The following ANO4 variants were observed in gnomAD, a reference collection of about 807,000 sequenced individuals.
The protein encoded by ANO4 is anoctamin-4.
ANO4 carries 69 observed loss-of-function variants against 141.9 expected under a neutral mutation model. That is an observed-to-expected ratio of 0.49 (90% CI 0.40 to 0.59). ANO4 has a LOEUF of 0.59. Ranked by LOEUF, ANO4 falls within the 20% of genes least tolerant of loss-of-function variation. The pLI is 0.00. For missense variants in ANO4, 894 were observed against 1,162.2 expected (o/e 0.77, Z 3.36); for synonymous variants, 350 against 394.3 (o/e 0.89, Z 1.33).
At chr12:100,774,572 ATAGAG>A (rs1303161936) in intron 3 of ANO4, among the ~76,000 whole-genome samples, 1 of 152,258 alleles carries the variant, frequency 6.6e-6, no homozygotes, top group Non-Finnish European at 1.5e-5. Context: ...CTAGAAGGAA[ATAGAG>A]TAGAGCACAC....
chr12:100,885,249 G>T (rs1172822935), intron 1 of ANO4, among the ~76,000 whole-genome samples: 3 of 152,196 alleles, frequency 2.0e-5, no homozygotes, highest in Non-Finnish European at 4.4e-5. Flanking sequence ...CAGAGATGAA[G>T]AGTTGGGCAT....
chr12:101,029,959 G>A (rs370837367), intron 9 of ANO4, among the ~76,000 whole-genome samples: 3 of 136,980 alleles, frequency 2.2e-5, no homozygotes, highest in African/African-American at 5.5e-5. Flanking sequence ...ACCCAATACA[G>A]AAGCACCCAG....
intron 8 of ANO4, among the ~76,000 whole-genome samples, chr12:100,989,323 C>T (rs1042644413): frequency 1.3e-5 from 2 of 152,212 alleles, no homozygotes; most frequent in African/African-American, 2.4e-5. Flanking sequence ...AAAGCTGATA[C>T]GTTCCCATTC....
At chr12:100,768,562 T>G (rs1183464916) in intron 3 of ANO4, among the ~76,000 whole-genome samples, 2 of 152,242 alleles carry the variant, frequency 1.3e-5, no homozygotes, top group Non-Finnish European at 2.9e-5. Context: ...TTATTTGGTT[T>G]CTGAGTGCCT....
chr12:100,964,423 G>C (rs1005524657), intron 5 of ANO4, among the ~76,000 whole-genome samples: 3 of 152,128 alleles, frequency 2.0e-5, no homozygotes, highest in Admixed American at 2.0e-4. Flanking sequence ...GCACTATGTA[G>C]CTGGTCCCGT....
At chr12:100,738,192 C>A (rs893910446) in intron 2 of ANO4, among the ~76,000 whole-genome samples, 1 of 152,118 alleles carries the variant, frequency 6.6e-6, no homozygotes, top group Non-Finnish European at 1.5e-5. Flanking sequence ...CCTATTCCTG[C>A]CTCCCTCCCC....
chr12:100,966,130 A>T (rs1363870204), intron 5 of ANO4, among the ~76,000 whole-genome samples: 1 of 152,132 alleles, frequency 6.6e-6, no homozygotes, highest in African/African-American at 2.4e-5. Context: ...ATCCTTCCAA[A>T]ATACTGGTTT....
intron 3 of ANO4, among the ~76,000 whole-genome samples, chr12:100,783,363 C>T (rs2033766358): frequency 6.6e-6 from 1 of 152,138 alleles, no homozygotes; most frequent in African/African-American, 2.4e-5. Context: ...CCTTCTTTTT[C>T]ATTCCTACCA....
chr12:100,819,682 G>T (rs769987821), intron 1 of ANO4, among the ~76,000 whole-genome samples: 2 of 151,892 alleles, frequency 1.3e-5, no homozygotes, highest in Non-Finnish European at 1.5e-5. Flanking sequence ...AAGAACCTGA[G>T]AACAGGTTTC....
chr12:100,922,653 CAAAG>C (rs1344655735), intron 3 of ANO4, among the ~76,000 whole-genome samples: 2 of 151,594 alleles, frequency 1.3e-5, no homozygotes, highest in Non-Finnish European at 2.9e-5. Context: ...TAATCATAAT[CAAAG>C]AAAAACCTTT....
At chr12:100,829,967 C>G (rs188730147) in intron 1 of ANO4, among the ~76,000 whole-genome samples, 1 of 152,032 alleles carries the variant, frequency 6.6e-6, no homozygotes, top group African/African-American at 2.4e-5. Context: ...GACAGAATTG[C>G]ATTGAAATCG....
chr12:100,737,159 A>G (rs1248556068), intron 2 of ANO4, among the ~76,000 whole-genome samples: 1 of 152,174 alleles, frequency 6.6e-6, no homozygotes, highest in African/African-American at 2.4e-5. Context: ...ATTATTTCAC[A>G]TAACAGGGAC....
chr12:100,953,411 A>G (rs1405437511), intron 5 of ANO4, among the ~76,000 whole-genome samples: 2 of 152,178 alleles, frequency 1.3e-5, no homozygotes, highest in Non-Finnish European at 2.9e-5. Flanking sequence ...TATTAATTGA[A>G]CTTGACATAC....
At chr12:101,104,474 G>A (rs1010956072) in intron 22 of ANO4, among the ~76,000 whole-genome samples, 1 of 150,652 alleles carries the variant, frequency 6.6e-6, no homozygotes, top group African/African-American at 2.4e-5. Flanking sequence ...TTGAAGGAAT[G>A]CATTAGTATC....
rs141538347 is a variant in ANO4 at position 101,109,395 on chromosome 12, T to C, written c.2150-1009T>C. 6.0e-3 allele frequency among the ~76,000 whole-genome samples: 909 copies of C among 152,208 alleles called. 14 individuals carry two copies. The highest frequency in any genetic ancestry group is 0.021 in the African/African-American group (862 of 41,502). ...GGTCAACACAGTGAAACTCTGTCTC[T>C]ACTAAAAATACAAACATTAGCTGGT... On this transcript the variant is annotated intron_variant, in intron 22 of 27. Transcript: ENST00000392977.
intron 24 of ANO4, among the ~76,000 whole-genome samples, chr12:101,114,323 C>T (rs990613798): frequency 3.9e-5 from 6 of 152,140 alleles, no homozygotes; most frequent in African/African-American, 9.7e-5. Flanking sequence ...ATTAGTGAAA[C>T]GTCTAGCTGT....
At chr12:100,754,940 G>C (rs560194506) in intron 3 of ANO4, among the ~76,000 whole-genome samples, 61 of 152,280 alleles carry the variant, frequency 4.0e-4, no homozygotes, top group African/African-American at 1.3e-3. Context: ...AATGTGTACA[G>C]GGTTTCCTTT....
At position 100,980,868 on chromosome 12, in the gene ANO4, G is replaced by A. The variant is rs144791697; in HGVS notation, c.602+5979G>A. Among the ~76,000 whole-genome samples the A allele has an allele frequency of 2.0e-3, 309 of 152,170 alleles. 1 individual carries two copies. Among genetic ancestry groups the A allele is most frequent in the African/African-American group, 7.1e-3 (293 of 41,508 alleles). ...TAAATTGCCTATCCAATAAAAAGGA[G>A]GAATTTATCATCTTTTGGCTGCCCT... On this transcript the variant is annotated intron_variant, in intron 7 of 27. Coordinates refer to ENST00000392977, the MANE Select transcript of ANO4 (RefSeq NM_001286615.2).
chr12:100,909,330 G>A (rs1368514476), intron 2 of ANO4, among the ~76,000 whole-genome samples: 1 of 152,194 alleles, frequency 6.6e-6, no homozygotes, highest in African/African-American at 2.4e-5. Flanking sequence ...GACAGACAGT[G>A]CTGAGACAAA....
Sources: allele counts gnomAD v4.1 joint callset (sites outside exome capture counted in the v4.1 genomes callset), GRCh38; gene constraint gnomAD v4.1.1; transcripts MANE v1.5; gene names NCBI Gene and HGNC (gene_info 2026-07-23, HGNC 2026-07-21).